The following RALYL variants were observed in gnomAD, a reference collection of about 807,000 sequenced individuals.
RALYL encodes RNA-binding Raly-like protein.
A neutral mutation model predicts 35.1 loss-of-function variants in RALYL; 29 were observed. The ratio of observed to expected loss-of-function variants is 0.83; its 90% CI spans 0.61 to 1.13. RALYL has a LOEUF of 1.13. RALYL is among the 50% of genes most tolerant of loss of function. RALYL has a pLI of 0.00. For missense variants in RALYL, 359 were observed against 360.4 expected (o/e 1.00, Z 0.03); for synonymous variants, 120 against 127.6 (o/e 0.94, Z 0.40).
At chr8:84,565,073 A>G (rs950791347) in intron 2 of RALYL, among the ~76,000 whole-genome samples, 2 of 151,606 alleles carry the variant, frequency 1.3e-5, no homozygotes, top group African/African-American at 4.8e-5. Context: ...TTTCTAATAT[A>G]TTAGCAGCTT....
chr8:84,494,840 C>A (rs2055812312), intron 1 of RALYL, among the ~76,000 whole-genome samples: 1 of 152,070 alleles, frequency 6.6e-6, no homozygotes, highest in Non-Finnish European at 1.5e-5. Flanking sequence ...GTGTGGTCTG[C>A]AGACAGAGAC....
intron 2 of RALYL, among the ~76,000 whole-genome samples, chr8:84,638,892 A>ATATT (rs1825682426): frequency 2.0e-5 from 1 of 51,122 alleles, no homozygotes; most frequent in Non-Finnish European, 5.6e-5. Context: ...ATATATATAT[A>ATATT]TATATATATA....
chr8:84,867,192 T>C (rs1010498875), intron 6 of RALYL, among the ~76,000 whole-genome samples: 2 of 152,298 alleles, frequency 1.3e-5, no homozygotes, highest in South Asian at 4.1e-4. Context: ...CTAATAAATT[T>C]CCTCTTGTTA....
intron 4 of RALYL, among the ~76,000 whole-genome samples, chr8:84,830,788 T>C (rs1482441383): frequency 6.6e-6 from 1 of 152,144 alleles, no homozygotes; most frequent in Non-Finnish European, 1.5e-5. Flanking sequence ...AAGGTTTTTT[T>C]CTAGAAACTA....
intron 1 of RALYL, among the ~76,000 whole-genome samples, chr8:84,463,536 C>T (rs2051081062): frequency 6.6e-6 from 1 of 151,886 alleles, no homozygotes; most frequent in Non-Finnish European, 1.5e-5. Context: ...AGGCAATGTA[C>T]TATAATAGAA....
intron 2 of RALYL, among the ~76,000 whole-genome samples, chr8:84,578,824 G>T (rs915242050): frequency 2.0e-5 from 3 of 152,196 alleles, no homozygotes; most frequent in Non-Finnish European, 4.4e-5. Context: ...AGTCTGGCTG[G>T]GTCTGGGGGT....
chr8:84,401,501 G>A (rs1472010617), intron 1 of RALYL, among the ~76,000 whole-genome samples: 1 of 151,586 alleles, frequency 6.6e-6, no homozygotes, highest in Non-Finnish European at 1.5e-5. Context: ...AGCCGGGCGC[G>A]GTGGCGGGCG....
At chr8:84,705,636 T>C (rs1297831506) in intron 2 of RALYL, among the ~76,000 whole-genome samples, 1 of 152,222 alleles carries the variant, frequency 6.6e-6, no homozygotes, top group African/African-American at 2.4e-5. Context: ...TAATTTTTAA[T>C]TTATATAAAT....
chr8:84,296,320 A>C (rs1417031205), intron 1 of RALYL, among the ~76,000 whole-genome samples: 1 of 152,160 alleles, frequency 6.6e-6, no homozygotes, highest in East Asian at 1.9e-4. Context: ...AATTTTCCTA[A>C]TGAAAGACTT....
rs147344135 is a variant in RALYL, at chr8:84,779,028, C to G, written c.332+4374C>G. ...CAATAAAAATGTCTCCCATTAGAGT[C>G]TATTTGTAAATGAAACATAATTAAT... On this transcript the variant is annotated intron_variant, in intron 3 of 8. Coordinates refer to ENST00000521268, the MANE Select transcript of RALYL (RefSeq NM_173848.7). 2.6e-5 allele frequency among the ~76,000 whole-genome samples: 4 copies of G among 152,156 alleles called. No homozygotes were observed. In the South Asian group the frequency reaches 8.3e-4, roughly 31 times the overall value.
intron 1 of RALYL, among the ~76,000 whole-genome samples, chr8:84,525,265 C>G (rs1177755074): frequency 6.6e-6 from 1 of 151,990 alleles, no homozygotes; most frequent in Non-Finnish European, 1.5e-5. Flanking sequence ...ATCCAAACTT[C>G]TAAATTAAAA....
chr8:84,328,865 T>G (rs984971599), intron 1 of RALYL, among the ~76,000 whole-genome samples: 1 of 152,156 alleles, frequency 6.6e-6, no homozygotes, highest in Admixed American at 6.6e-5. Context: ...AGTATTTGGT[T>G]TTCTGTTCCT....
intron 2 of RALYL, among the ~76,000 whole-genome samples, chr8:84,600,520 A>G (rs888925677): frequency 2.0e-5 from 3 of 152,114 alleles, no homozygotes; most frequent in African/African-American, 7.2e-5. Context: ...AAAAGTTAAT[A>G]GGTAAAAGGA....
At chr8:84,437,317 A>C (rs1199621149) in intron 1 of RALYL, among the ~76,000 whole-genome samples, 3 of 152,170 alleles carry the variant, frequency 2.0e-5, no homozygotes, top group African/African-American at 7.2e-5. Flanking sequence ...TGTTGTGATG[A>C]ACACACAAGT....
At chr8:84,195,023 A>G (rs1325190141) in intron 1 of RALYL, among the ~76,000 whole-genome samples, 4 of 152,130 alleles carry the variant, frequency 2.6e-5, no homozygotes, top group African/African-American at 4.8e-5. Flanking sequence ...ACACGCTCAC[A>G]TAATTAATGC....
intron 2 of RALYL, among the ~76,000 whole-genome samples, chr8:84,719,066 T>G (rs1051771738): frequency 1.3e-5 from 2 of 152,180 alleles, no homozygotes; most frequent in African/African-American, 4.8e-5. Context: ...TACATTTCTC[T>G]AAGCTGCTGG....
At chr8:84,641,622 C>A (rs920726900) in intron 2 of RALYL, among the ~76,000 whole-genome samples, 2 of 151,676 alleles carry the variant, frequency 1.3e-5, no homozygotes, top group African/African-American at 4.8e-5. Flanking sequence ...TGTCATATTA[C>A]ACAAAGCTAG....
At chr8:84,388,715 T>G (rs565000688) in intron 1 of RALYL, among the ~76,000 whole-genome samples, 193 of 152,268 alleles carry the variant, frequency 1.3e-3, no homozygotes, top group African/African-American at 4.4e-3. Context: ...TAAATTTGTT[T>G]GAGTTCATTG....
intron 2 of RALYL, among the ~76,000 whole-genome samples, chr8:84,555,934 T>C (rs577965580): frequency 6.6e-6 from 1 of 152,332 alleles, no homozygotes; most frequent in South Asian, 2.1e-4. Flanking sequence ...TTTTAGATAA[T>C]TTGCTTTTGC....
Sources: gnomAD v4.1 joint callset for allele counts (sites outside exome capture counted in the v4.1 genomes callset) on GRCh38, gnomAD v4.1.1 for gene constraint, MANE v1.5 for transcripts, NCBI Gene and HGNC (gene_info 2026-07-23, HGNC 2026-07-21) for gene names.